Variants in RAB27B observed in about 807,000 individuals in gnomAD.
RAB27B encodes the protein RAB27B, member RAS oncogene family.
RAB27B carries 15 observed loss-of-function variants against 24.6 expected under a neutral mutation model. The observed-to-expected ratio is 0.61, with a 90% CI of 0.41 to 0.94. The LOEUF (loss-of-function observed/expected upper bound fraction) is 0.94, where lower values mean the gene tolerates loss of function less well. RAB27B is among the 40% of genes least tolerant of loss of function. The pLI, the probability that RAB27B is intolerant of heterozygous loss-of-function variation, is 0.00. For missense variants in RAB27B, 261 were observed against 266.8 expected (o/e 0.98, Z 0.15); for synonymous variants, 105 against 92.5 (o/e 1.14, Z -0.78).
intron 4 of RAB27B, among the ~76,000 whole-genome samples, chr18:54,887,048 T>G: frequency 1.5e-5 from 1 of 64,790 alleles, no homozygotes; most frequent in South Asian, 7.8e-4. Context: ...CCTCCCTTCC[T>G]TACTTCCCTC....
chr18:54,718,831 A>G (rs1191865642), intron 2 of RAB27B, among the ~76,000 whole-genome samples: 2 of 152,224 alleles, frequency 1.3e-5, no homozygotes, highest in Non-Finnish European at 2.9e-5. Context: ...AGTATTTTAC[A>G]AATCAATTGA....
chr18:54,857,073 A>T (rs759362188), intron 1 of RAB27B, among the ~76,000 whole-genome samples: 45 of 152,062 alleles, frequency 3.0e-4, no homozygotes, highest in Non-Finnish European at 4.3e-4. Context: ...TGTTTGCTGT[A>T]CTCATTTTTA....
chr18:54,764,196 G>T (rs1214960641), intron 2 of RAB27B, among the ~76,000 whole-genome samples: 4 of 152,042 alleles, frequency 2.6e-5, no homozygotes, highest in South Asian at 2.1e-4. Context: ...TTGCCTCATT[G>T]TGTCACAGAG....
chr18:54,801,016 T>TG (rs200778666), intron 2 of RAB27B, among the ~76,000 whole-genome samples: 15,939 of 143,596 alleles, frequency 0.11, 1,276 homozygotes, highest in African/African-American at 0.2. Flanking sequence ...GTGTTTTTTT[T>TG]TTTTTTTTTT....
At chr18:54,820,305 T>C (rs1910265020) in intron 2 of RAB27B, among the ~76,000 whole-genome samples, 1 of 152,128 alleles carries the variant, frequency 6.6e-6, no homozygotes, top group African/African-American at 2.4e-5. Context: ...TTTTAATGAT[T>C]GCCATTCTAA....
chr18:54,813,140 A>T (rs1262904137), intron 2 of RAB27B, among the ~76,000 whole-genome samples: 1 of 152,198 alleles, frequency 6.6e-6, no homozygotes, highest in African/African-American at 2.4e-5. Flanking sequence ...CCCAGCGCTG[A>T]AGGGGTTTTC....
At chr18:54,805,135 AGCCTCAGCAAAGCCTTTCCAG>A (rs923736314) in intron 2 of RAB27B, among the ~76,000 whole-genome samples, 1 of 151,826 alleles carries the variant, frequency 6.6e-6, no homozygotes, top group African/African-American at 2.4e-5. Flanking sequence ...GCGAGTTAAG[AGCCTCAGCAAAGCCTTTCCAG>A]GGACATGAGG....
At chr18:54,793,770 G>T (rs1371129632) in intron 2 of RAB27B, among the ~76,000 whole-genome samples, 1 of 152,178 alleles carries the variant, frequency 6.6e-6, no homozygotes, top group Non-Finnish European at 1.5e-5. Context: ...TAGAAGCCAG[G>T]CGTGGTGATA....
intron 2 of RAB27B, among the ~76,000 whole-genome samples, chr18:54,720,788 A>T (rs1312778938): frequency 6.6e-6 from 1 of 152,164 alleles, no homozygotes; most frequent in East Asian, 1.9e-4. Context: ...AATGTGGAAG[A>T]ATAACAAACG....
chr18:54,794,577 A>ATGTGT (rs1909355034), intron 2 of RAB27B, among the ~76,000 whole-genome samples: 1 of 152,192 alleles, frequency 6.6e-6, no homozygotes. Flanking sequence ...TCACATACTG[A>ATGTGT]TGTGTGTATT....
chr18:54,834,415 C>T (rs1910812022), intron 1 of RAB27B, among the ~76,000 whole-genome samples: 2 of 152,140 alleles, frequency 1.3e-5, no homozygotes, highest in South Asian at 4.1e-4. Flanking sequence ...ATTCAGTCTC[C>T]TTAAGGATCT....
chr18:54,861,022 A>G (rs8083174), intron 1 of RAB27B, among the ~76,000 whole-genome samples: 2,611 of 152,286 alleles, frequency 0.017, 71 homozygotes, highest in African/African-American at 0.059. Flanking sequence ...TTTTTAATAA[A>G]ATGACACATC....
intron 2 of RAB27B, among the ~76,000 whole-genome samples, chr18:54,776,400 A>C (rs1244489038): frequency 1.3e-5 from 2 of 152,216 alleles, no homozygotes; most frequent in Non-Finnish European, 2.9e-5. Context: ...TTGTGTAGGC[A>C]ACAGGGATCA....
chr18:54,754,191 G>C (rs185406673), intron 2 of RAB27B, among the ~76,000 whole-genome samples: 1 of 152,242 alleles, frequency 6.6e-6, no homozygotes, highest in Admixed American at 6.5e-5. Context: ...TAGGGAGCGA[G>C]TTCTCATGAG....
At chr18:54,755,422 A>G (rs955389480) in intron 2 of RAB27B, among the ~76,000 whole-genome samples, 1 of 152,010 alleles carries the variant, frequency 6.6e-6, no homozygotes, top group African/African-American at 2.4e-5. Context: ...ATAACTTAAA[A>G]CTTTCACCTG....
chr18:54,871,368 C>T (rs1449797979), intron 1 of RAB27B, among the ~76,000 whole-genome samples: 3 of 152,158 alleles, frequency 2.0e-5, no homozygotes, highest in African/African-American at 7.2e-5. Flanking sequence ...GTGGGAACCA[C>T]CCTGAGGCTA....
intron 2 of RAB27B, 105 bp downstream of exon 2, chr18:54,877,843 A>T (rs1192050305): frequency 1.7e-6 from 2 of 1,152,132 alleles, no homozygotes; most frequent in Non-Finnish European, 2.4e-6. Context: ...TGTCACACGA[A>T]ATTCATAACC....
chr18:54,811,024 C>T (rs1909947184), intron 2 of RAB27B, among the ~76,000 whole-genome samples: 1 of 151,868 alleles, frequency 6.6e-6, no homozygotes, highest in Non-Finnish European at 1.5e-5. Context: ...TAAATGTTAC[C>T]TGAAACGAAT....
At chr18:54,877,460 G>A (rs1300101356) in intron 1 of RAB27B, 107 bp from the exon 2 acceptor site, 3 of 802,302 alleles carry the variant, frequency 3.7e-6, no homozygotes, top group Non-Finnish European at 5.3e-6. Context: ...CAGAATAGAG[G>A]TATTCAACTT....
Sources: gnomAD v4.1 joint callset for allele counts (sites outside exome capture counted in the v4.1 genomes callset) on GRCh38, gnomAD v4.1.1 for gene constraint, MANE v1.5 for transcripts, NCBI Gene and HGNC (gene_info 2026-07-23, HGNC 2026-07-21) for gene names.